Variants in PDGFD observed in about 807,000 individuals in gnomAD.
PDGFD encodes the protein platelet derived growth factor D.
PDGFD carries 30 observed loss-of-function variants against 44.7 expected under a neutral mutation model. The ratio of observed to expected loss-of-function variants is 0.67; its 90% CI spans 0.50 to 0.91. The LOEUF is 0.91. PDGFD is among the 40% of genes least tolerant of loss of function. PDGFD has a pLI of 0.00. For synonymous variants in PDGFD, 173 were observed against 168.4 expected (o/e 1.03, Z -0.21); for missense variants, 445 against 457.8 (o/e 0.97, Z 0.25).
intron 1 of PDGFD, among the ~76,000 whole-genome samples, chr11:104,118,945 A>G (rs1861692042): frequency 1.2e-5 from 1 of 80,072 alleles, no homozygotes; most frequent in Admixed American, 1.9e-4. Flanking sequence ...TATATATTAT[A>G]ATAATATATC....
intron 1 of PDGFD, among the ~76,000 whole-genome samples, chr11:104,084,753 T>A (rs1045644951): frequency 6.3e-5 from 7 of 111,870 alleles, no homozygotes; most frequent in African/African-American, 2.5e-4. Context: ...TATATTATAG[T>A]TTATATATTA....
intron 3 of PDGFD, 131 bp downstream of exon 3, chr11:103,995,934 G>T: frequency 1.3e-6 from 1 of 755,830 alleles, no homozygotes; most frequent in Non-Finnish European, 2.1e-6. Flanking sequence ...TGACCATAAG[G>T]TAGGAACAAA....
At position 103,964,185 on chromosome 11, in the gene PDGFD, G is replaced by A. The variant is rs138736839; in HGVS notation, c.511-16461C>T. ...CCAGAAGCTTTAAAACATATTGTATGTACTATCATTGCTCTTTTTTTTCTC... is the reference window on the plus strand; with the variant it reads ...CCAGAAGCTTTAAAACATATTGTATATACTATCATTGCTCTTTTTTTTCTC... On this transcript the variant is annotated intron_variant, in intron 3 of 6. Transcript: ENST00000393158. Among the ~76,000 whole-genome samples the A allele has an allele frequency of 3.1e-3, 477 of 152,222 alleles. 2 individuals are homozygous for A. Among genetic ancestry groups the A allele is most frequent in the African/African-American group, 0.011 (455 of 41,546 alleles).
chr11:104,033,415 C>T (rs1860162123), intron 1 of PDGFD, among the ~76,000 whole-genome samples: 1 of 151,966 alleles, frequency 6.6e-6, no homozygotes. Flanking sequence ...TTTTTGCTTT[C>T]CAGTGTCTGT....
intron 1 of PDGFD, among the ~76,000 whole-genome samples, chr11:104,015,755 A>G (rs1015639477): frequency 1.3e-5 from 2 of 152,222 alleles, no homozygotes; most frequent in Admixed American, 6.5e-5. Flanking sequence ...CAAAGTTACA[A>G]TATCATGTGA....
At chr11:103,982,376 T>C (rs1745534467) in intron 3 of PDGFD, among the ~76,000 whole-genome samples, 2 of 151,758 alleles carry the variant, frequency 1.3e-5, no homozygotes, top group South Asian at 4.1e-4. Context: ...CAATGCACAG[T>C]AATAGACGCT....
chr11:103,976,122 C>A (rs1299845620), intron 3 of PDGFD, among the ~76,000 whole-genome samples: 1 of 152,090 alleles, frequency 6.6e-6, no homozygotes, highest in Admixed American at 6.5e-5. Flanking sequence ...CTCTTCCTAT[C>A]CATGAATATG....
intron 3 of PDGFD, among the ~76,000 whole-genome samples, chr11:103,990,314 C>T (rs1859430667): frequency 6.6e-6 from 1 of 152,190 alleles, no homozygotes; most frequent in African/African-American, 2.4e-5. Flanking sequence ...CACTCTTCTT[C>T]CATAGCTTTG....
chr11:104,163,551 C>G (rs1862420835), intron 1 of PDGFD, among the ~76,000 whole-genome samples: 1 of 151,958 alleles, frequency 6.6e-6, no homozygotes, highest in African/African-American at 2.4e-5. Context: ...AAAATGACTT[C>G]TCTAGGGTGC....
intron 1 of PDGFD, among the ~76,000 whole-genome samples, chr11:104,113,102 T>C (rs942935413): frequency 2.0e-5 from 3 of 152,180 alleles, no homozygotes; most frequent in Non-Finnish European, 2.9e-5. Flanking sequence ...CTGGCATTGA[T>C]ATTTTTTAGA....
At chr11:103,922,548 T>TCC (rs35557831) in intron 6 of PDGFD, among the ~76,000 whole-genome samples, 56 of 150,946 alleles carry the variant, frequency 3.7e-4, no homozygotes, top group East Asian at 2.2e-3. Context: ...AAAGAAGAAT[T>TCC]CCCCCCCGCC....
chr11:104,023,139 A>T (rs1859989128), intron 1 of PDGFD, among the ~76,000 whole-genome samples: 1 of 152,174 alleles, frequency 6.6e-6, no homozygotes, highest in Non-Finnish European at 1.5e-5. Flanking sequence ...ATAATTAAAA[A>T]TCTGCTATAA....
intron 1 of PDGFD, among the ~76,000 whole-genome samples, chr11:104,079,631 C>A (rs1209363766): frequency 7.9e-5 from 12 of 152,190 alleles, no homozygotes; most frequent in Admixed American, 7.2e-4. Context: ...TCATTATCCA[C>A]CTGCCTCAGC....
intron 6 of PDGFD, among the ~76,000 whole-genome samples, chr11:103,912,019 GT>G (rs1169679323): frequency 6.6e-6 from 1 of 152,162 alleles, no homozygotes; most frequent in Non-Finnish European, 1.5e-5. Context: ...GTCCCCCAAA[GT>G]GATGGGGAGA....
intron 1 of PDGFD, among the ~76,000 whole-genome samples, chr11:104,114,043 T>C (rs1861598154): frequency 6.6e-6 from 1 of 152,062 alleles, no homozygotes; most frequent in South Asian, 2.1e-4. Context: ...CAGTGTGTGA[T>C]TTGTCTTTGC....
chr11:104,030,286 T>C (rs1458604015), intron 1 of PDGFD, among the ~76,000 whole-genome samples: 1 of 152,180 alleles, frequency 6.6e-6, no homozygotes, highest in Non-Finnish European at 1.5e-5. Context: ...AAACCACCCA[T>C]AAATAATTTT....
intron 5 of PDGFD, among the ~76,000 whole-genome samples, chr11:103,936,506 A>G (rs1182746674): frequency 6.6e-6 from 1 of 152,238 alleles, no homozygotes; most frequent in Non-Finnish European, 1.5e-5. Flanking sequence ...GACTTAAGAG[A>G]ACTCAGAACG....
chr11:104,037,468 G>T, intron 1 of PDGFD: 1 of 1,614,128 alleles, frequency 6.2e-7, no homozygotes. Flanking sequence ...CAAAATAGAA[G>T]AGGAAATCCG....
intron 1 of PDGFD, among the ~76,000 whole-genome samples, chr11:104,056,663 C>T (rs897906225): frequency 6.6e-6 from 1 of 152,122 alleles, no homozygotes; most frequent in African/African-American, 2.4e-5. Flanking sequence ...CACAACCCTA[C>T]CAACAGTTGC....
Sources: allele counts gnomAD v4.1 joint callset (sites outside exome capture counted in the v4.1 genomes callset), GRCh38; gene constraint gnomAD v4.1.1; transcripts MANE v1.5; gene names NCBI Gene and HGNC (gene_info 2026-07-23, HGNC 2026-07-21).